The following TMEM272 variants were observed in gnomAD, a reference collection of about 807,000 sequenced individuals.
TMEM272 encodes the protein long intergenic non-protein coding RNA 282.
A neutral mutation model predicts 3.7 loss-of-function variants in TMEM272; 8 were observed. The observed-to-expected ratio is 2.17, with a 90% confidence interval of 1.27 to 3.91. TMEM272 has a LOEUF of 3.91. TMEM272 is among the 30% of genes most tolerant of loss of function. The probability of loss-of-function intolerance (pLI) is 0.00; values close to 1 mark genes in which losing one functional copy is unlikely to be tolerated. For synonymous variants in TMEM272, 63 were observed against 39.8 expected (o/e 1.58, Z -2.20); for missense variants, 166 against 91.5 (o/e 1.81, Z -3.32).
chr13:51,862,606 T>A, the TMEM272 span, among the ~76,000 whole-genome samples: 1 of 152,046 alleles, frequency 6.6e-6, no homozygotes, highest in Non-Finnish European at 1.5e-5. Flanking sequence ...GACATAGAGA[T>A]GGAAGATGAG....
At chr13:51,926,907 C>G in the TMEM272 span, among the ~76,000 whole-genome samples, 1 of 151,878 alleles carries the variant, frequency 6.6e-6, no homozygotes, top group Non-Finnish European at 1.5e-5. Flanking sequence ...AATAATAAAA[C>G]AAACATATAT....
intron 4 of TMEM272, 128 bp from the exon 5 acceptor site, chr13:51,817,241 T>C (rs1280218850): frequency 8.4e-6 from 5 of 597,030 alleles, no homozygotes; most frequent in Non-Finnish European, 1.5e-5. Context: ...GAAGGTGTTA[T>C]GAAAAGTGAA....
chr13:51,856,995 T>A, the TMEM272 span, among the ~76,000 whole-genome samples: 1 of 152,216 alleles, frequency 6.6e-6, no homozygotes, highest in Non-Finnish European at 1.5e-5. Context: ...TACCTAATTA[T>A]GTTTTCTTCC....
intron 2 of TMEM272, among the ~76,000 whole-genome samples, chr13:51,831,248 C>A (rs1197017093): frequency 2.0e-5 from 3 of 152,112 alleles, no homozygotes; most frequent in African/African-American, 7.2e-5. Context: ...ATGGCAAAAC[C>A]CCGTCTCTAC....
chr13:51,833,768 C>T (rs546354366), intron 2 of TMEM272, among the ~76,000 whole-genome samples: 18 of 152,238 alleles, frequency 1.2e-4, no homozygotes, highest in African/African-American at 3.4e-4. Flanking sequence ...TGTAACAGGA[C>T]GAGTTAGTAA....
chr13:51,836,282 TCTTGGA>T (rs1341807175), intron 2 of TMEM272, among the ~76,000 whole-genome samples: 10 of 152,208 alleles, frequency 6.6e-5, no homozygotes, highest in Admixed American at 2.0e-4. Context: ...GGCCTCTCAT[TCTTGGA>T]CTTCACAGCT....
chr13:51,869,940 G>A, the TMEM272 span, among the ~76,000 whole-genome samples: 17 of 152,300 alleles, frequency 1.1e-4, no homozygotes, highest in African/African-American at 3.6e-4. Flanking sequence ...GGATCCTTCC[G>A]AGGTAGAAGT....
chr13:51,919,452 G>A, the TMEM272 span, among the ~76,000 whole-genome samples: 9 of 152,010 alleles, frequency 5.9e-5, no homozygotes, highest in South Asian at 2.1e-4. Flanking sequence ...GGAAACCACC[G>A]ATCTGAACTT....
intron 1 of TMEM272, among the ~76,000 whole-genome samples, chr13:51,839,852 A>G (rs9285180): frequency 6.6e-6 from 1 of 152,210 alleles, no homozygotes. Flanking sequence ...GCACACAAGC[A>G]CGGTGGTTGG....
intron 2 of TMEM272, among the ~76,000 whole-genome samples, chr13:51,834,082 C>T (rs201150863): frequency 1.3e-5 from 2 of 152,146 alleles, no homozygotes; most frequent in Non-Finnish European, 2.9e-5. Context: ...AGCTTGACAC[C>T]GGTGCTGACC....
chr13:51,923,779 G>A, the TMEM272 span, among the ~76,000 whole-genome samples: 1 of 151,934 alleles, frequency 6.6e-6, no homozygotes. Context: ...AGGACAGGGG[G>A]ACAATCCCCC....
At chr13:51,884,632 G>A in the TMEM272 span, among the ~76,000 whole-genome samples, 1 of 152,172 alleles carries the variant, frequency 6.6e-6, no homozygotes, top group African/African-American at 2.4e-5. Flanking sequence ...CCTCAGTAGT[G>A]TATGGTGAGG....
chr13:51,844,405 G>A (rs138006362), intron 1 of TMEM272, among the ~76,000 whole-genome samples: 61 of 152,262 alleles, frequency 4.0e-4, no homozygotes, highest in African/African-American at 1.2e-3. Flanking sequence ...ATGTTAACTA[G>A]TATTGTTGAA....
At chr13:51,830,700 A>C (rs1956165566) in intron 2 of TMEM272, among the ~76,000 whole-genome samples, 1 of 152,228 alleles carries the variant, frequency 6.6e-6, no homozygotes, top group African/African-American at 2.4e-5. Context: ...TCAAATGAAG[A>C]ATCGAGAAAA....
the TMEM272 span, among the ~76,000 whole-genome samples, chr13:51,919,996 C>T: frequency 6.6e-6 from 1 of 151,820 alleles, no homozygotes; most frequent in African/African-American, 2.4e-5. Context: ...GGCTTTCTAT[C>T]ACCAGGCTCA....
the TMEM272 span, among the ~76,000 whole-genome samples, chr13:51,874,096 T>C: frequency 6.6e-6 from 1 of 152,172 alleles, no homozygotes; most frequent in Non-Finnish European, 1.5e-5. Flanking sequence ...ATCAAGCTTT[T>C]AGAAGAGCAG....
At chr13:51,896,263 T>C in the TMEM272 span, among the ~76,000 whole-genome samples, 1 of 152,188 alleles carries the variant, frequency 6.6e-6, no homozygotes, top group Non-Finnish European at 1.5e-5. Flanking sequence ...GGGGACAGCT[T>C]GGTGAATATA....
chr13:51,894,457 T>C, the TMEM272 span, among the ~76,000 whole-genome samples: 1 of 152,216 alleles, frequency 6.6e-6, no homozygotes, highest in African/African-American at 2.4e-5. Context: ...TTGGCCAGGT[T>C]TGGGTGACGT....
At chr13:51,842,186 G>A (rs576396661) in intron 1 of TMEM272, among the ~76,000 whole-genome samples, 9 of 152,356 alleles carry the variant, frequency 5.9e-5, no homozygotes, top group African/African-American at 1.7e-4. Flanking sequence ...TGGGGCCACT[G>A]GGGCTGGGGT....
Sources: allele counts gnomAD v4.1 joint callset (sites outside exome capture counted in the v4.1 genomes callset), GRCh38; gene constraint gnomAD v4.1.1; transcripts MANE v1.5; gene names NCBI Gene and HGNC (gene_info 2026-07-23, HGNC 2026-07-21).